COL5A3: variants seen among roughly 807,000 people sequenced by gnomAD.
COL5A3 encodes the protein collagen alpha-3(V) chain.
Under a neutral mutation model 250.0 loss-of-function variants are expected in COL5A3, and 172 were observed. The ratio of observed to expected loss-of-function variants is 0.69; its 90% confidence interval spans 0.61 to 0.78. COL5A3 has a LOEUF of 0.78. COL5A3 is among the 30% of genes least tolerant of loss of function. The pLI, the probability that COL5A3 is intolerant of heterozygous loss-of-function variation, is 0.00. For synonymous variants in COL5A3, 937 were observed against 900.4 expected, an observed-to-expected ratio of 1.04 and a Z score of -0.73; for missense variants, 2,340 against 2,334.4, an observed-to-expected ratio of 1.00 and a Z score of -0.05.
In COL5A3 at chr19:10,001,679, G is replaced by A. The variant is rs369630449; in HGVS notation, c.964-9C>T. ...TCAGGGTCCAAGCTCCTCTGAGAAC[G>A]TTAGGAAAGACCAAAGTTTTCCCTG... On this transcript the variant is annotated splice_polypyrimidine_tract_variant and intron_variant, in intron 7 of 66. Coordinates refer to ENST00000264828, the MANE Select transcript of COL5A3 (RefSeq NM_015719.4). The A allele has an allele frequency of 7.4e-6, 12 of 1,613,678 alleles. No homozygotes were observed. The highest frequency in any genetic ancestry group is 5.3e-5 in the African/African-American group (4 of 74,862).
In COL5A3 at chr19:9,978,903, G is replaced by T; in HGVS notation, c.2952C>A (p.Gly984=). 1 of 1,479,468 alleles carries T rather than the reference G, an allele frequency of 6.8e-7. No individual in the cohort carries two copies. Among genetic ancestry groups the T allele is most frequent in the Non-Finnish European group, 9.0e-7 (1 of 1,116,194 alleles). 91.6% of individuals were successfully genotyped at this position (1,479,468 alleles called of 1,614,324 possible). A position where few individuals can be genotyped will look rare whatever the true frequency, so the allele number is the denominator to read the frequency against. The part of the protein sequence containing the change: ...GLRGFPGPKG[G]PGDPGPTGLK... ...CAAAGATACTCACCGGGTCCCCAGG[G>T]CCCCCTTTGGGGCCGGGAAAGCCCC... Residue 984 remains glycine, a synonymous_variant, in exon 40 of 67, where the codon GGC becomes GGA. Coordinates refer to ENST00000264828, the MANE Select transcript of COL5A3 (RefSeq NM_015719.4).
intron 27 of COL5A3, among the ~76,000 whole-genome samples, chr19:9,987,589 A>T (rs1345300264): frequency 3.3e-5 from 5 of 151,766 alleles, no homozygotes; most frequent in Non-Finnish European, 2.9e-5. Context: ...GTACAAAAAA[A>T]AAAGAAAAAA....
intron 54 of COL5A3, 81 bp downstream of exon 54, chr19:9,970,538 TGAG>T: frequency 1.2e-6 from 1 of 820,572 alleles, no homozygotes; most frequent in East Asian, 3.4e-5. Context: ...TGGGGTGAGT[TGAG>T]GGCTGTGGGA....
intron 25 of COL5A3, 33 bp from the exon 26 acceptor site, chr19:9,989,399 CA>C (rs764788959): frequency 1.2e-5 from 19 of 1,613,890 alleles, no homozygotes; most frequent in Non-Finnish European, 1.5e-5. Context: ...TGTCAGAGAC[CA>C]AAACTTGCCA....
At chr19:10,008,535 A>T (rs957434052) in intron 1 of COL5A3, among the ~76,000 whole-genome samples, 1 of 151,884 alleles carries the variant, frequency 6.6e-6, no homozygotes, top group African/African-American at 2.4e-5. Context: ...GGGGTCTGGG[A>T]TGTGGAGGGA....
In COL5A3 at chr19:9,981,073, T is replaced by A. The variant is rs773319455; in HGVS notation, c.2505+15A>T. The A allele has an allele frequency of 2.5e-6, 4 of 1,613,338 alleles. No homozygotes were observed. The African/African-American group carries it at 5.3e-5, about 22-fold the overall frequency. On this transcript the variant is annotated intron_variant, in intron 33 of 66. Transcript: ENST00000264828. ...CAAGTCCCAGCAGGGTAGGGGGCACTGTCTATTTTCTTACTGGTGGTCCCC... is the reference window on the plus strand; with the variant it reads ...CAAGTCCCAGCAGGGTAGGGGGCACAGTCTATTTTCTTACTGGTGGTCCCC...
intron 53 of COL5A3, 58 bp downstream of exon 53, chr19:9,970,917 T>C: frequency 8.4e-7 from 1 of 1,189,738 alleles, no homozygotes; most frequent in East Asian, 2.6e-5. Context: ...CCCAATTCAC[T>C]CACTCATTAG....
At chr19:9,969,521 C>A in intron 56 of COL5A3, 54 bp downstream of exon 56, 1 of 1,596,522 alleles carries the variant, frequency 6.3e-7, no homozygotes, top group Middle Eastern at 1.7e-4. Context: ...AAGCTGGGAG[C>A]AGACAGAGAG....
At position 9,976,545 on chromosome 19, in the gene COL5A3, TG is replaced by T; in HGVS notation, c.3342+12del. On this transcript the variant is annotated intron_variant, in intron 45 of 66. Coordinates refer to ENST00000264828, the MANE Select transcript of COL5A3 (RefSeq NM_015719.4). ...AGGACCCAGAGAAGGACTGAAAAGATGGGGGCACTCACCGGGGGACCTGGGT... is the reference window on the plus strand; with the variant it reads ...AGGACCCAGAGAAGGACTGAAAAGATGGGGCACTCACCGGGGGACCTGGGT... The T allele has an allele frequency of 6.4e-7, 1 of 1,561,146 alleles. No homozygotes were observed. Among genetic ancestry groups the T allele is most frequent in the South Asian group, 1.2e-5 (1 of 81,424 alleles).
chr19:10,004,080 G>A lies in COL5A3; in HGVS notation c.660C>T (p.Tyr220=). ...GTGCCAGGTTGTCACAGTCGGGGAGGTACCGCTCACAAGCCTGGAAGGCAG... is the reference window on the plus strand; with the variant it reads ...GTGCCAGGTTGTCACAGTCGGGGAGATACCGCTCACAAGCCTGGAAGGCAG... ...PQAAFQACER[Y]LPDCDNLAPA... is the part of the protein sequence containing the mutation. The change falls in exon 5 of 67, where the codon TAC becomes TAT. Residue 220 remains tyrosine, a synonymous_variant. Transcript: ENST00000264828. The A allele has an allele frequency of 6.2e-7, 1 of 1,614,040 alleles. No homozygotes were observed. Among genetic ancestry groups the A allele is most frequent in the Non-Finnish European group, 8.5e-7 (1 of 1,179,946 alleles).
At chr19:9,997,008 A>G in intron 11 of COL5A3, 1 of 521,190 alleles carries the variant, frequency 1.9e-6, no homozygotes, top group Admixed American at 3.8e-5. Flanking sequence ...TGAAAGACAG[A>G]CAGAGATGGA....
chr19:9,966,304 G>T lies in COL5A3; in HGVS notation c.4782+10C>A. 2 of 1,597,218 alleles carry T rather than the reference G, an allele frequency of 1.3e-6. No individual in the cohort carries two copies. The highest frequency in any genetic ancestry group is 1.1e-5 in the South Asian group (1 of 89,206). ...CCTGGGGGAGGCGATGAGAGGTTTGGGTTACTCACGATCTCAAACTTCTTG... is the reference window on the plus strand; with the variant it reads ...CCTGGGGGAGGCGATGAGAGGTTTGTGTTACTCACGATCTCAAACTTCTTG... On this transcript the variant is annotated intron_variant, in intron 64 of 66. Transcript: ENST00000264828.
chr19:9,983,630 GAAGA>G (rs1005768751), intron 31 of COL5A3, among the ~76,000 whole-genome samples: 11 of 109,060 alleles, frequency 1.0e-4, no homozygotes, highest in African/African-American at 3.8e-4. Context: ...AAGAAAGAAA[GAAGA>G]GAGAGAGAGA....
intron 21 of COL5A3, 128 bp downstream of exon 21, chr19:9,992,699 C>T (rs1469061216): frequency 1.1e-6 from 1 of 889,968 alleles, no homozygotes; most frequent in East Asian, 2.5e-5. Flanking sequence ...ATCACCTGAA[C>T]CCAGGAGCCG....
chr19:9,986,311 T>A lies in COL5A3; in HGVS notation c.2352+4A>T. The stretch of plus-strand genomic sequence containing the variant: ...GGGAGGCTAGAGGGTGGAGAGTCAT[T>A]TACCTTCTCCCCAGCTGAGCCTGGG... On this transcript the variant is annotated splice_donor_region_variant and intron_variant, in intron 30 of 66. Coordinates refer to ENST00000264828, the MANE Select transcript of COL5A3 (RefSeq NM_015719.4). The A allele has an allele frequency of 6.5e-7, 1 of 1,546,304 alleles. No individual in the cohort carries two copies. The highest frequency in any genetic ancestry group is 8.7e-7 in the Non-Finnish European group (1 of 1,152,350).
Position 9,996,464 on chromosome 19 carries a change from G to A in COL5A3, c.1391C>T (p.Ala464Val), listed in dbSNP as rs758748774. The A allele has an allele frequency of 6.2e-7, 1 of 1,614,066 alleles. No individual in the cohort carries two copies. Among genetic ancestry groups the A allele is most frequent in the Admixed American group, 1.7e-5 (1 of 60,000 alleles). The change falls in exon 13 of 67, where the codon GCC (alanine) becomes GTC (valine). Residue 464 changes from alanine (A) to valine (V), a missense_variant. Transcript: ENST00000264828. ...CTGCTGCAGAACTGCCTGAGCCTGGGCCTGCTGGAATGAGACTGGGGGGCC... is the reference window on the plus strand; with the variant it reads ...CTGCTGCAGAACTGCCTGAGCCTGGACCTGCTGGAATGAGACTGGGGGGCC... The part of the protein sequence containing the change: ...FKGPPVSFQQ[A>V]QAQAVLQQTQ...
intron 54 of COL5A3, among the ~76,000 whole-genome samples, 175 bp downstream of exon 54, chr19:9,970,447 A>AGTGGGGTCTGTGGGTGT (rs1599533959): frequency 3.8e-5 from 1 of 26,514 alleles, no homozygotes; most frequent in African/African-American, 1.7e-4. Flanking sequence ...TCTGTGGGTG[A>AGTGGGGTCTGTGGGTGT]GTGGGGTCTG....
At position 9,981,135 on chromosome 19, in the gene COL5A3, G is replaced by A. The variant is rs1379008617; in HGVS notation, c.2461-3C>T. 6.2e-7 allele frequency: 1 copy of A among 1,613,880 alleles called. No homozygotes were observed. The highest frequency in any genetic ancestry group is 8.5e-7 in the Non-Finnish European group (1 of 1,179,888). Reference sequence around the variant, plus strand: ...AGGCCTGGCTGCCCTGTCTTTCCCTGAAAATGAATTGTAAGAGAGAAAGCA... The same window carrying A: ...AGGCCTGGCTGCCCTGTCTTTCCCTAAAAATGAATTGTAAGAGAGAAAGCA... On this transcript the variant is annotated splice_region_variant and splice_polypyrimidine_tract_variant and intron_variant, in intron 32 of 66. Transcript: ENST00000264828.
intron 24 of COL5A3, among the ~76,000 whole-genome samples, 173 bp from the exon 25 acceptor site, chr19:9,989,695 T>C (rs889195546): frequency 3.3e-5 from 5 of 152,172 alleles, no homozygotes; most frequent in Non-Finnish European, 7.3e-5. Context: ...GGCAAGCCCA[T>C]TTCCCTCTCT....
Sources: allele counts gnomAD v4.1 joint callset (sites outside exome capture counted in the v4.1 genomes callset), GRCh38; gene constraint gnomAD v4.1.1; transcripts MANE v1.5; gene names NCBI Gene and HGNC (gene_info 2026-07-23, HGNC 2026-07-21).